TJP1: variants seen among roughly 807,000 people sequenced by gnomAD.
The protein encoded by TJP1 is tight junction protein 1.
Under a neutral mutation model 194.2 loss-of-function variants are expected in TJP1, and 43 were observed. The ratio of observed to expected loss-of-function variants is 0.22; its 90% CI spans 0.17 to 0.29. TJP1 has a LOEUF of 0.29. Ranked by LOEUF, TJP1 falls within the 10% of genes least tolerant of loss-of-function variation. TJP1 has a pLI of 1.00. For missense variants in TJP1, 1,971 were observed against 2,185.7 expected, an observed-to-expected ratio of 0.90 and a Z score of 1.96; for synonymous variants, 801 against 779.0, an observed-to-expected ratio of 1.03 and a Z score of -0.47.
In TJP1 at chr15:29,772,122, T is replaced by C. The variant is rs1399532287; in HGVS notation, c.254A>G (p.Asn85Ser). The change falls in exon 4 of 28, where the codon AAT becomes AGT. Residue 85 changes from asparagine to serine, a missense_variant. Coordinates refer to ENST00000614355, the MANE Select transcript of TJP1 (RefSeq NM_001330239.4). ...VAMVNGVSMDNVEHAFAVQQL... is the reference protein window; with the variant it reads ...VAMVNGVSMDSVEHAFAVQQL... The stretch of plus-strand genomic sequence containing the variant: ...CTGAACAGCAAAAGCATGTTCAACA[T>C]TATCCATTGAAACTCCGTTAACCAT... 2 of 1,606,858 alleles carry C rather than the reference T, an allele frequency of 1.2e-6. No homozygotes were observed. Among genetic ancestry groups the C allele is most frequent in the African/African-American group, 1.3e-5 (1 of 74,532 alleles).
chr15:29,734,123 A>T, intron 12 of TJP1, 151 bp downstream of exon 12: 1 of 571,712 alleles, frequency 1.7e-6, no homozygotes, highest in Non-Finnish European at 3.0e-6. Context: ...TGTGCTCCTA[A>T]ATGACTTAGA....
chr15:29,968,361 G>C (rs1048328325), intron 1 of TJP1: 2 of 985,264 alleles, frequency 2.0e-6, no homozygotes, highest in Admixed American at 1.2e-4. Flanking sequence ...AGACAGAGGC[G>C]GGAGGCCGAC....
intron 2 of TJP1, among the ~76,000 whole-genome samples, chr15:29,851,014 C>T (rs1401798506): frequency 5.9e-5 from 9 of 151,814 alleles, no homozygotes; most frequent in Non-Finnish European, 1.0e-4. Context: ...GGCATGTGCC[C>T]GTAATTCCAG....
At chr15:29,965,415 T>C (rs976986662) in intron 1 of TJP1, among the ~76,000 whole-genome samples, 6 of 152,146 alleles carry the variant, frequency 3.9e-5, no homozygotes, top group Non-Finnish European at 8.8e-5. Flanking sequence ...TTTCACCATA[T>C]TGACCAGGCT....
chr15:29,778,036 A>C (rs1482808264), intron 2 of TJP1, among the ~76,000 whole-genome samples: 1 of 152,306 alleles, frequency 6.6e-6, no homozygotes, highest in East Asian at 1.9e-4. Context: ...AAACATAAAA[A>C]GATTAAAAAA....
chr15:29,720,162 A>G, intron 19 of TJP1, 146 bp from the exon 20 acceptor site: 2 of 1,240,888 alleles, frequency 1.6e-6, no homozygotes, highest in Non-Finnish European at 2.2e-6. Context: ...TTGGGAAAAA[A>G]AAAAAATCCA....
intron 2 of TJP1, among the ~76,000 whole-genome samples, chr15:29,774,534 T>C (rs1391531271): frequency 6.6e-6 from 1 of 152,130 alleles, no homozygotes; most frequent in African/African-American, 2.4e-5. Flanking sequence ...ATTCCGTTTA[T>C]ATAAAATGCT....
At chr15:29,820,468 G>A in intron 1 of TJP1, 1 of 713,084 alleles carries the variant, frequency 1.4e-6, no homozygotes. Flanking sequence ...AACGAGTGAT[G>A]CTTTTCAATA....
intron 24 of TJP1, 74 bp from the exon 25 acceptor site, chr15:29,709,110 C>T (rs1352006408): frequency 2.8e-6 from 4 of 1,434,222 alleles, no homozygotes; most frequent in Non-Finnish European, 3.8e-6. Flanking sequence ...CTTAACTTGT[C>T]CTGGTGCTGG....
chr15:29,890,665 G>A (rs1236620698), intron 2 of TJP1, among the ~76,000 whole-genome samples: 1 of 152,090 alleles, frequency 6.6e-6, no homozygotes, highest in Non-Finnish European at 1.5e-5. Flanking sequence ...AATAGAGTCC[G>A]CTCAATAAAA....
chr15:29,717,622 C>G (rs1411604004), intron 22 of TJP1, among the ~76,000 whole-genome samples: 1 of 152,204 alleles, frequency 6.6e-6, no homozygotes, highest in South Asian at 2.1e-4. Context: ...AGGGCAAGCA[C>G]CTTATGCATG....
intron 2 of TJP1, among the ~76,000 whole-genome samples, chr15:29,895,785 C>A (rs2053457804): frequency 6.6e-6 from 1 of 152,208 alleles, no homozygotes; most frequent in South Asian, 2.1e-4. Context: ...CTCCCAGTAC[C>A]AGTTTCTGTC....
intron 2 of TJP1, among the ~76,000 whole-genome samples, chr15:29,844,756 T>C (rs1300685376): frequency 6.6e-6 from 1 of 151,984 alleles, no homozygotes; most frequent in African/African-American, 2.4e-5. Flanking sequence ...AAATGTTGAG[T>C]AGGCAATTGG....
chr15:29,830,141 C>A (rs2050792010), intron 2 of TJP1, among the ~76,000 whole-genome samples: 1 of 151,870 alleles, frequency 6.6e-6, no homozygotes, highest in Admixed American at 6.6e-5. Context: ...ATGACACTAG[C>A]ATATTCTAAT....
At position 29,737,319 on chromosome 15, in the gene TJP1, AGAAC is replaced by A; in HGVS notation, c.1348_1351del (p.Val450Ter). The A allele has an allele frequency of 6.2e-7, 1 of 1,614,216 alleles. No individual in the cohort carries two copies. ...TTCCTTGGCTGCAGGGCTATCTTCT[AGAAC>A]GCCAGCTACAAATATTCCAACATCA... On this transcript the variant is annotated frameshift_variant, in exon 11 of 28. Transcript: ENST00000614355. LOFTEE classifies it high-confidence loss of function.
At chr15:29,833,085 G>A (rs1282808054) in intron 2 of TJP1, among the ~76,000 whole-genome samples, 4 of 152,154 alleles carry the variant, frequency 2.6e-5, no homozygotes, top group African/African-American at 9.7e-5. Context: ...GCTTGCAAAT[G>A]TTGGATCCAG....
chr15:29,933,951 A>G (rs1473277331), intron 2 of TJP1, among the ~76,000 whole-genome samples: 6 of 152,158 alleles, frequency 3.9e-5, no homozygotes, highest in African/African-American at 1.4e-4. Flanking sequence ...TTTAGTACCA[A>G]GGTACGTCAC....
At chr15:29,891,836 T>G (rs1238592586) in intron 2 of TJP1, among the ~76,000 whole-genome samples, 1 of 152,166 alleles carries the variant, frequency 6.6e-6, no homozygotes, top group Non-Finnish European at 1.5e-5. Flanking sequence ...CCTTATTCCC[T>G]GAGATACAAC....
chr15:29,761,432 A>G (rs553478762), intron 7 of TJP1, 146 bp from the exon 8 acceptor site: 4 of 1,288,296 alleles, frequency 3.1e-6, no homozygotes, highest in South Asian at 1.5e-5. Context: ...GCCAGCAATC[A>G]TATCAATAGT....
Sources: allele counts gnomAD v4.1 joint callset (sites outside exome capture counted in the v4.1 genomes callset), GRCh38; gene constraint gnomAD v4.1.1; transcripts MANE v1.5; gene names NCBI Gene and HGNC (gene_info 2026-07-23, HGNC 2026-07-21).